The following METTL21A variants were observed in gnomAD, a reference collection of about 807,000 sequenced individuals.
METTL21A encodes the protein methyltransferase 21A, HSPA lysine.
A neutral mutation model predicts 20.9 loss-of-function variants in METTL21A; 22 were observed. That is an observed-to-expected ratio of 1.05 (90% CI 0.75 to 1.50). The LOEUF (loss-of-function observed/expected upper bound fraction) is 1.50, where lower values mean the gene tolerates loss of function less well. METTL21A is among the 40% of genes most tolerant of loss of function. The pLI is 0.00. For missense variants in METTL21A, 271 were observed against 266.8 expected (o/e 1.02, Z -0.11); for synonymous variants, 93 against 102.0 (o/e 0.91, Z 0.53).
At chr2:207,620,633 A>G in intron 3 of METTL21A, 1 of 1,530,800 alleles carries the variant, frequency 6.5e-7, no homozygotes, top group Non-Finnish European at 8.7e-7. Context: ...GAATGTTCTA[A>G]GGCTCACCTG....
chr2:207,587,542 AT>A (rs1442764765), intron 3 of METTL21A, among the ~76,000 whole-genome samples: 1 of 152,356 alleles, frequency 6.6e-6, no homozygotes, highest in African/African-American at 2.4e-5. Context: ...ATCAACCTAA[AT>A]ATCCATCAAC....
At chr2:207,589,524 TCA>T (rs1308901188) in intron 3 of METTL21A, among the ~76,000 whole-genome samples, 2 of 152,214 alleles carry the variant, frequency 1.3e-5, no homozygotes, top group African/African-American at 2.4e-5. Flanking sequence ...GGTAACATAC[TCA>T]CACACTGCAG....
intron 2 of METTL21A, 55 bp from the exon 3 acceptor site, chr2:207,621,972 G>A: frequency 6.6e-7 from 1 of 1,513,848 alleles, no homozygotes; most frequent in Non-Finnish European, 9.2e-7. Context: ...TTGAGTAGCT[G>A]CAGGGTTTCA....
intron 3 of METTL21A, chr2:207,599,949 C>A: frequency 1.0e-5 from 2 of 192,998 alleles, no homozygotes; most frequent in Non-Finnish European, 2.2e-5. Flanking sequence ...AATATAGGGC[C>A]ATGTGGCACT....
chr2:207,620,379 G>C lies in METTL21A; in HGVS notation c.259+1427C>G, dbSNP rs534406830. Among the ~76,000 whole-genome samples, 62 of 152,072 alleles carry C rather than the reference G, an allele frequency of 4.1e-4. 1 individual carries two copies. The East Asian group carries it at 6.0e-3, about 15-fold the overall frequency. ...AATTGCTTGAACCCGGGAGGCGGAG[G>C]TTGCAGTGAGCCGAGATCATGCCAC... is the stretch of plus-strand genomic sequence containing the variant. On this transcript the variant is annotated intron_variant, in intron 3 of 3. Transcript: ENST00000406927.
Position 207,593,744 on chromosome 2 carries a change from C to T in METTL21A, c.260-11584G>A, listed in dbSNP as rs868810109. On this transcript the variant is annotated intron_variant, in intron 3 of 3. Coordinates refer to the METTL21A transcript ENST00000425132. ...CTTTTTTTTTTTTTTTTTTTTGAGA[C>T]GGAAACACCTATCACCCAGGCTGGA... Among the ~76,000 whole-genome samples the T allele has an allele frequency of 1.7e-3, 221 of 127,142 alleles. 1 individual carries two copies. The highest frequency in any genetic ancestry group is 6.3e-3 in the African/African-American group (214 of 33,732). The allele number at this position is 127,142 out of a possible 152,430, so 83.4% of individuals were successfully genotyped here. A position where few individuals can be genotyped will look rare whatever the true frequency, so the allele number is the denominator to read the frequency against.
intron 3 of METTL21A, among the ~76,000 whole-genome samples, chr2:207,614,858 G>A (rs181214225): frequency 6.6e-6 from 1 of 152,298 alleles, no homozygotes; most frequent in Non-Finnish European, 1.5e-5. Flanking sequence ...TTAAAATTAT[G>A]TTTCAATCTT....
chr2:207,608,657 C>T (rs1210528250), downstream of METTL21A, among the ~76,000 whole-genome samples: 3 of 152,178 alleles, frequency 2.0e-5, no homozygotes, highest in East Asian at 1.9e-4. Flanking sequence ...CTCTGCCGGG[C>T]GCGGTGGCTC....
chr2:207,615,933 CAG>C (rs1210858677), intron 3 of METTL21A, among the ~76,000 whole-genome samples: 8 of 151,486 alleles, frequency 5.3e-5, no homozygotes, highest in Non-Finnish European at 1.2e-4. Context: ...CCCAAACATA[CAG>C]AGAGGGTTTT....
At chr2:207,613,018 T>G in exon 4 of METTL21A, 4 of 1,526,878 alleles carry the variant, frequency 2.6e-6, no homozygotes, top group Non-Finnish European at 3.5e-6. Context: ...ACACACTCAA[T>G]GACAACATTC....
At chr2:207,621,659 C>A in intron 3 of METTL21A, 147 bp downstream of exon 3, 1 of 654,692 alleles carries the variant, frequency 1.5e-6, no homozygotes, top group Non-Finnish European at 2.7e-6. Context: ...AGTTAAGAAC[C>A]CCAGCAGTTG....
At chr2:207,582,752 G>T (rs2083135181) in intron 3 of METTL21A, 1 of 195,280 alleles carries the variant, frequency 5.1e-6, no homozygotes, top group Non-Finnish European at 1.1e-5. Context: ...AATTTAGCCG[G>T]GGTGGTGGTG....
At chr2:207,621,659 C>G (rs1033490618) in intron 3 of METTL21A, 147 bp downstream of exon 3, 72 of 654,578 alleles carry the variant, frequency 1.1e-4, no homozygotes, top group Non-Finnish European at 1.7e-4. Flanking sequence ...AGTTAAGAAC[C>G]CCAGCAGTTG....
At chr2:207,601,900 A>T (rs1175599654) in intron 3 of METTL21A, 2 of 213,656 alleles carry the variant, frequency 9.4e-6, no homozygotes, top group African/African-American at 4.5e-5. Flanking sequence ...TTAATGTAAT[A>T]ATGTTGACTA....
chr2:207,618,544 C>CA (rs1013378641), intron 3 of METTL21A, among the ~76,000 whole-genome samples: 13 of 151,144 alleles, frequency 8.6e-5, no homozygotes, highest in African/African-American at 2.4e-4. Flanking sequence ...ATTAAAAATA[C>CA]AAAAAAAAAT....
chr2:207,614,356 G>C (rs73056995), intron 3 of METTL21A, among the ~76,000 whole-genome samples: 1,804 of 147,256 alleles, frequency 0.012, 33 homozygotes, highest in African/African-American at 0.043. Context: ...TATTGTGCCT[G>C]GGCAACAGAG....
chr2:207,596,917 A>G, intron 3 of METTL21A: 1 of 1,605,544 alleles, frequency 6.2e-7, no homozygotes, highest in Non-Finnish European at 8.5e-7. Context: ...CTTGTAGGGA[A>G]GCAGCTCGAG....
chr2:207,604,155 G>A (rs981164724), downstream of METTL21A, among the ~76,000 whole-genome samples: 1 of 152,186 alleles, frequency 6.6e-6, no homozygotes, highest in African/African-American at 2.4e-5. Flanking sequence ...TCAGGTGCTT[G>A]GACCTTCAGG....
downstream of METTL21A, among the ~76,000 whole-genome samples, chr2:207,608,659 C>T (rs944817299): frequency 9.9e-5 from 15 of 152,276 alleles, no homozygotes; most frequent in African/African-American, 2.4e-4. Context: ...CTGCCGGGCG[C>T]GGTGGCTCAC....
Sources: gnomAD v4.1 joint callset for allele counts (sites outside exome capture counted in the v4.1 genomes callset) on GRCh38, gnomAD v4.1.1 for gene constraint, MANE v1.5 for transcripts, NCBI Gene and HGNC (gene_info 2026-07-23, HGNC 2026-07-21) for gene names.